The following MCCC2 variants were observed in gnomAD, a reference collection of about 807,000 sequenced individuals.
MCCC2 encodes the protein methylcrotonyl-CoA carboxylase subunit 2, also known as methylcrotonoyl-CoA carboxylase beta chain, mitochondrial.
MCCC2 carries 52 observed loss-of-function variants against 77.2 expected under a neutral mutation model. That is an observed-to-expected ratio of 0.67 (90% CI 0.54 to 0.85). The LOEUF (loss-of-function observed/expected upper bound fraction) is 0.85, where lower values mean the gene tolerates loss of function less well. MCCC2 is among the 40% of genes least tolerant of loss of function. The pLI is 0.00. For synonymous variants in MCCC2, 253 were observed against 248.4 expected, an observed-to-expected ratio of 1.02 and a Z score of -0.18; for missense variants, 682 against 703.2, an observed-to-expected ratio of 0.97 and a Z score of 0.34.
At chr5:71,627,607 A>C (rs917475795) in intron 7 of MCCC2, among the ~76,000 whole-genome samples, 5 of 152,226 alleles carry the variant, frequency 3.3e-5, no homozygotes, top group African/African-American at 1.2e-4. Flanking sequence ...GAATTGCTGG[A>C]TCATGTGGTA....
chr5:71,603,230 C>A (rs959405950), intron 5 of MCCC2, among the ~76,000 whole-genome samples: 7 of 151,548 alleles, frequency 4.6e-5, no homozygotes, highest in Non-Finnish European at 1.0e-4. Flanking sequence ...GGCTAACACA[C>A]TGAAACCTCG....
intron 16 of MCCC2, among the ~76,000 whole-genome samples, chr5:71,655,697 AC>A (rs200273115): frequency 6.8e-4 from 104 of 152,332 alleles, no homozygotes; most frequent in Admixed American, 5.1e-3. Flanking sequence ...AGGTTCAGAT[AC>A]CGAAGGGAGT....
chr5:71,630,696 C>T (rs1358421845), intron 7 of MCCC2, among the ~76,000 whole-genome samples: 2 of 152,086 alleles, frequency 1.3e-5, no homozygotes, highest in Admixed American at 1.3e-4. Flanking sequence ...ACTCTCTCTG[C>T]AGAAGGATAT....
At position 71,596,346 on chromosome 5, in the gene MCCC2, A is replaced by G. The variant is rs755370750; in HGVS notation, c.263A>G (p.Asp88Gly). ...RGKLLPRERIDNLIDPGSPFL... is the reference protein window; with the variant it reads ...RGKLLPRERIGNLIDPGSPFL... ...AAACTATTGCCCAGAGAAAGAATTGACAATCTCATAGACCCAGGGTGCGTA... is the reference window on the plus strand; with the variant it reads ...AAACTATTGCCCAGAGAAAGAATTGGCAATCTCATAGACCCAGGGTGCGTA... The change falls in exon 3 of 17, where the codon GAC (aspartate) becomes GGC (glycine). Residue 88 changes from aspartate to glycine, a missense_variant. Asp to Gly is a moderately conservative substitution (Grantham distance 94, BLOSUM62 -1). Transcript: ENST00000340941. 12 of 1,614,164 alleles carry G rather than the reference A, an allele frequency of 7.4e-6. No individual in the cohort carries two copies. The highest frequency in any genetic ancestry group is 1.0e-5 in the Non-Finnish European group (12 of 1,180,016).
intron 8 of MCCC2, 134 bp downstream of exon 8, chr5:71,632,319 G>C: frequency 1.2e-6 from 1 of 825,700 alleles, no homozygotes; most frequent in Non-Finnish European, 2.1e-6. Flanking sequence ...TTGATCTGCT[G>C]GTTTAATGTT....
intron 6 of MCCC2, among the ~76,000 whole-genome samples, chr5:71,610,413 G>T (rs980339173): frequency 6.6e-6 from 1 of 152,142 alleles, no homozygotes; most frequent in African/African-American, 2.4e-5. Flanking sequence ...GCAATGCCTC[G>T]CCCTGCTTCG....
At chr5:71,642,137 G>A (rs73763906) in intron 11 of MCCC2, among the ~76,000 whole-genome samples, 7,846 of 151,904 alleles carry the variant, frequency 0.052, 676 homozygotes, top group African/African-American at 0.18. Flanking sequence ...ATCCCCTAGA[G>A]TACACAACCT....
chr5:71,589,112 G>A (rs1744871881), intron 1 of MCCC2, among the ~76,000 whole-genome samples: 1 of 152,106 alleles, frequency 6.6e-6, no homozygotes, highest in Non-Finnish European at 1.5e-5. Context: ...TAGGAGGGGG[G>A]CATAAATACC....
chr5:71,600,573 G>A (rs1745388030), intron 4 of MCCC2, among the ~76,000 whole-genome samples: 1 of 152,118 alleles, frequency 6.6e-6, no homozygotes, highest in Non-Finnish European at 1.5e-5. Flanking sequence ...TCACAAGCAT[G>A]AGCCATTGCT....
chr5:71,621,402 CT>C (rs903528646), intron 6 of MCCC2, among the ~76,000 whole-genome samples: 14 of 152,234 alleles, frequency 9.2e-5, no homozygotes, highest in Non-Finnish European at 1.8e-4. Context: ...ACTTTGTCAC[CT>C]TTTGGGAGTA....
intron 11 of MCCC2, among the ~76,000 whole-genome samples, chr5:71,643,082 A>C (rs945961596): frequency 2.6e-5 from 4 of 151,902 alleles, no homozygotes; most frequent in South Asian, 4.2e-4. Context: ...GAAAAAAAAA[A>C]CAAATCTTTA....
At chr5:71,602,851 A>T in intron 5 of MCCC2, 1 of 612,266 alleles carries the variant, frequency 1.6e-6, no homozygotes, top group Non-Finnish European at 2.7e-6. Context: ...ATTTTGACGC[A>T]TGCCAGTTTT....
chr5:71,611,453 A>C (rs1303323024), intron 6 of MCCC2, among the ~76,000 whole-genome samples: 1 of 152,210 alleles, frequency 6.6e-6, no homozygotes, highest in East Asian at 1.9e-4. Context: ...GTTAGAGCAA[A>C]AGTTAGAGAA....
intron 16 of MCCC2, among the ~76,000 whole-genome samples, chr5:71,656,348 G>A (rs551089635): frequency 2.6e-5 from 4 of 152,286 alleles, no homozygotes; most frequent in African/African-American, 9.6e-5. Context: ...GTTATTACCT[G>A]GGTATATGTG....
At chr5:71,621,502 G>A (rs116588274) in intron 6 of MCCC2, among the ~76,000 whole-genome samples, 3,110 of 152,268 alleles carry the variant, frequency 0.02, 71 homozygotes, top group Non-Finnish European at 0.026. Flanking sequence ...GCTGAGGTGG[G>A]AGGATCTCTT....
intron 6 of MCCC2, among the ~76,000 whole-genome samples, chr5:71,616,643 C>T (rs1010075723): frequency 6.6e-6 from 1 of 152,150 alleles, no homozygotes; most frequent in African/African-American, 2.4e-5. Context: ...ACCTGAGTTC[C>T]CATCTACTGC....
chr5:71,589,099 A>G (rs1305108762), intron 1 of MCCC2, among the ~76,000 whole-genome samples: 2 of 152,134 alleles, frequency 1.3e-5, no homozygotes, highest in Non-Finnish European at 2.9e-5. Context: ...TTAGAGTTGT[A>G]TGTAGGAGGG....
chr5:71,634,981 A>G lies in MCCC2; in HGVS notation c.842A>G (p.His281Arg). ...AGTGACCACTGGGCTTTGGATGATC[A>G]TCATGCCCTTCACTTAACTAGGAAG... Reference protein sequence around the residue: ...GVSDHWALDDHHALHLTRKVV... With the variant: ...GVSDHWALDDRHALHLTRKVV... Residue 281 changes from histidine (H) to arginine (R), a missense_variant, in exon 9 of 17, where the codon CAT (histidine) becomes CGT (arginine). His to Arg is a conservative substitution (Grantham distance 29). Coordinates refer to ENST00000340941, the MANE Select transcript of MCCC2 (RefSeq NM_022132.5). 1 of 1,614,168 alleles carries G rather than the reference A, an allele frequency of 6.2e-7. No individual in the cohort carries two copies. The highest frequency in any genetic ancestry group is 8.5e-7 in the Non-Finnish European group (1 of 1,180,030).
intron 6 of MCCC2, among the ~76,000 whole-genome samples, chr5:71,610,212 T>C (rs1580292665): frequency 6.6e-6 from 1 of 152,226 alleles, no homozygotes; most frequent in African/African-American, 2.4e-5. Flanking sequence ...GTGCTAGCAA[T>C]CAGCGAGACT....
Sources: gnomAD v4.1 joint callset for allele counts (sites outside exome capture counted in the v4.1 genomes callset) on GRCh38, gnomAD v4.1.1 for gene constraint, MANE v1.5 for transcripts, NCBI Gene and HGNC (gene_info 2026-07-23, HGNC 2026-07-21) for gene names.